The following CSMD3 variants were observed in gnomAD, a reference collection of about 807,000 sequenced individuals.
The protein encoded by CSMD3 is CUB and sushi domain-containing protein 3.
A neutral mutation model predicts 435.2 loss-of-function variants in CSMD3; 177 were observed. The ratio of observed to expected loss-of-function variants is 0.41; its 90% CI spans 0.36 to 0.46. CSMD3 has a LOEUF of 0.46. Ranked by LOEUF, CSMD3 falls within the 20% of genes least tolerant of loss-of-function variation. The pLI is 0.34. For missense variants in CSMD3, 4,265 were observed against 4,504.6 expected, an observed-to-expected ratio of 0.95 and a Z score of 1.52; for synonymous variants, 1,656 against 1,520.5, an observed-to-expected ratio of 1.09 and a Z score of -2.07.
chr8:113,002,096 T>C (rs2085885615), intron 6 of CSMD3, among the ~76,000 whole-genome samples: 1 of 152,102 alleles, frequency 6.6e-6, no homozygotes, highest in Admixed American at 6.6e-5. Context: ...GCTGTTTGAA[T>C]AGAATTTGAT....
At chr8:112,874,047 G>A (rs780908340) in intron 10 of CSMD3, among the ~76,000 whole-genome samples, 5 of 152,122 alleles carry the variant, frequency 3.3e-5, no homozygotes, top group Non-Finnish European at 5.9e-5. Context: ...TGGGCATTTA[G>A]TGCTATAAAT....
intron 20 of CSMD3, chr8:112,643,462 T>G (rs569265151): frequency 5.9e-6 from 1 of 170,284 alleles, no homozygotes; most frequent in Non-Finnish European, 1.5e-5. Flanking sequence ...CTTAGTTGGC[T>G]CTTAAAAGAA....
chr8:112,261,854 G>C (rs1027466237), intron 61 of CSMD3, among the ~76,000 whole-genome samples: 1 of 151,626 alleles, frequency 6.6e-6, no homozygotes, highest in South Asian at 2.1e-4. Context: ...CTCCTGAGAG[G>C]AAATAGCTGT....
chr8:113,362,365 G>T lies in CSMD3; in HGVS notation c.179-47572C>A, dbSNP rs565097622. On this transcript the variant is annotated intron_variant, in intron 1 of 70. Transcript: ENST00000297405. ...AGAAAGGAAAATTGAGAATATTTCC[G>T]GTTGGGGAACCTCCAAGATCAAAAG... is the stretch of plus-strand genomic sequence containing the variant. Among the ~76,000 whole-genome samples the T allele has an allele frequency of 3.3e-5, 5 of 152,168 alleles. No individual in the cohort carries two copies. In the East Asian group the frequency reaches 7.7e-4, roughly 24 times the overall value.
intron 32 of CSMD3, among the ~76,000 whole-genome samples, chr8:112,450,320 CTTACATTGTAA>C (rs1290884780): frequency 6.6e-6 from 1 of 152,120 alleles, no homozygotes; most frequent in Non-Finnish European, 1.5e-5. Context: ...ATTGCATTTT[CTTACATTGTAA>C]TTAATATACA....
At chr8:113,161,736 G>A (rs1423757119) in intron 4 of CSMD3, among the ~76,000 whole-genome samples, 1 of 152,118 alleles carries the variant, frequency 6.6e-6, no homozygotes, top group Non-Finnish European at 1.5e-5. Context: ...TAGAGGATAA[G>A]TTTTAGACTC....
chr8:113,392,480 A>T (rs2094465130), intron 1 of CSMD3, among the ~76,000 whole-genome samples: 1 of 152,128 alleles, frequency 6.6e-6, no homozygotes, highest in South Asian at 2.1e-4. Flanking sequence ...CTTATCAACC[A>T]CTGTATCAGA....
chr8:112,238,168 T>C (rs1813771834), intron 66 of CSMD3, among the ~76,000 whole-genome samples: 1 of 152,000 alleles, frequency 6.6e-6, no homozygotes, highest in South Asian at 2.1e-4. Flanking sequence ...ATAGGATTAA[T>C]CCTATACCTC....
intron 3 of CSMD3, among the ~76,000 whole-genome samples, chr8:113,270,740 C>A (rs191358954): frequency 7.9e-5 from 12 of 152,066 alleles, no homozygotes; most frequent in Non-Finnish European, 2.9e-5. Context: ...ATACCAAACA[C>A]CGCATGTTCT....
At chr8:112,310,344 C>G (rs1479841195) in intron 50 of CSMD3, 1 of 152,882 alleles carries the variant, frequency 6.5e-6, no homozygotes, top group African/African-American at 2.4e-5. Flanking sequence ...CTCAGCCTCC[C>G]ATAAAAACAA....
chr8:113,138,024 T>A (rs1319051113), intron 4 of CSMD3, among the ~76,000 whole-genome samples: 1 of 151,612 alleles, frequency 6.6e-6, no homozygotes, highest in African/African-American at 2.4e-5. Flanking sequence ...TATATTGCAA[T>A]GTTCTGCCCT....
rs141864313 is a variant in CSMD3 at position 112,415,942 on chromosome 8, T to G, written c.5396-6910A>C. Reference sequence around the variant, plus strand: ...TATCTAGGAGATAACTAACTTGCTTTTGCTTTTACAGGCTTATAGGTAGAA... The same window carrying G: ...TATCTAGGAGATAACTAACTTGCTTGTGCTTTTACAGGCTTATAGGTAGAA... On this transcript the variant is annotated intron_variant, in intron 32 of 70. Coordinates refer to ENST00000297405, the MANE Select transcript of CSMD3 (RefSeq NM_198123.2). 7.9e-5 allele frequency among the ~76,000 whole-genome samples: 12 copies of G among 152,332 alleles called. No individual in the cohort carries two copies. The East Asian group carries it at 2.3e-3, about 29-fold the overall frequency.
rs1234542061 is a variant in CSMD3 at position 112,832,674 on chromosome 8, C to G, written c.1756-2885G>C. Among the ~76,000 whole-genome samples the G allele has an allele frequency of 3.3e-5, 5 of 152,196 alleles. No individual in the cohort carries two copies. In the South Asian group the frequency reaches 1.0e-3, roughly 32 times the overall value. On this transcript the variant is annotated intron_variant, in intron 11 of 70. Transcript: ENST00000297405. ...GAGCTTGGAAGAAGCCCTACAGTTT[C>G]AAATGAGATCACATCCCAGACCAAA...
chr8:112,243,853 T>G (rs539191718), intron 65 of CSMD3, among the ~76,000 whole-genome samples: 2 of 152,150 alleles, frequency 1.3e-5, no homozygotes, highest in South Asian at 4.1e-4. Flanking sequence ...GGTATCCTCA[T>G]AAGAAGAGGA....
intron 45 of CSMD3, among the ~76,000 whole-genome samples, chr8:112,324,980 C>A (rs1020435275): frequency 2.0e-5 from 3 of 152,074 alleles, no homozygotes; most frequent in Non-Finnish European, 4.4e-5. Flanking sequence ...TTGATTATGA[C>A]CTCCAAGGGT....
Position 112,927,734 on chromosome 8 carries a change from C to T in CSMD3, c.1509-5983G>A, listed in dbSNP as rs377674306. ...TACCATGTTTTTTTATACCTATTGC[C>T]TATTTCCTTGACCTTATAAAATTAA... On this transcript the variant is annotated intron_variant, in intron 9 of 70. Transcript: ENST00000297405. 3.9e-5 allele frequency among the ~76,000 whole-genome samples: 6 copies of T among 152,160 alleles called. No individual in the cohort carries two copies. The South Asian group carries it at 1.0e-3, about 26-fold the overall frequency.
At position 112,969,749 on chromosome 8, in the gene CSMD3, A is replaced by G. The variant is rs1407807047; in HGVS notation, c.1342+6088T>C. 2.0e-5 allele frequency among the ~76,000 whole-genome samples: 3 copies of G among 152,100 alleles called. 1 individual carries two copies. The highest frequency in any genetic ancestry group is 4.1e-4 in the South Asian group (2 of 4,828). On this transcript the variant is annotated intron_variant, in intron 7 of 70. Coordinates refer to ENST00000297405, the MANE Select transcript of CSMD3 (RefSeq NM_198123.2). ...GTACTTAAAAACAGCAACTATCAAAACTGCTCTTTAACAGCTGATAGGACT... is the reference window on the plus strand; with the variant it reads ...GTACTTAAAAACAGCAACTATCAAAGCTGCTCTTTAACAGCTGATAGGACT...
intron 3 of CSMD3, among the ~76,000 whole-genome samples, chr8:113,219,023 C>A (rs1221643450): frequency 6.6e-6 from 1 of 151,188 alleles, no homozygotes; most frequent in Non-Finnish European, 1.5e-5. Flanking sequence ...TTGACAAAAC[C>A]CAACACTCAG....
At chr8:113,181,225 T>C (rs2092417511) in intron 3 of CSMD3, among the ~76,000 whole-genome samples, 1 of 151,914 alleles carries the variant, frequency 6.6e-6, no homozygotes, top group African/African-American at 2.4e-5. Context: ...GAAAAGTCTA[T>C]TGTCATTTTA....
Sources: allele counts gnomAD v4.1 joint callset (sites outside exome capture counted in the v4.1 genomes callset), GRCh38; gene constraint gnomAD v4.1.1; transcripts MANE v1.5; gene names NCBI Gene and HGNC (gene_info 2026-07-23, HGNC 2026-07-21).